EZH2: variants seen among roughly 807,000 people sequenced by gnomAD.
EZH2 encodes histone-lysine N-methyltransferase EZH2.
EZH2 carries 18 observed loss-of-function variants against 98.4 expected under a neutral mutation model. The observed-to-expected ratio is 0.18, with a 90% CI of 0.13 to 0.27. EZH2 has a LOEUF of 0.27. Among genes scored for constraint, EZH2 ranks in the 10% least tolerant of loss-of-function variants. The probability of loss-of-function intolerance (pLI) is 1.00; values close to 1 mark genes in which losing one functional copy is unlikely to be tolerated. For missense variants in EZH2, 470 were observed against 935.1 expected (o/e 0.50, Z 6.49); for synonymous variants, 338 against 312.3 (o/e 1.08, Z -0.87).
chr7:148,820,706 G>A (rs1222140290), intron 8 of EZH2, among the ~76,000 whole-genome samples: 1 of 152,068 alleles, frequency 6.6e-6, no homozygotes, highest in Admixed American at 6.5e-5. Context: ...TAATACAACT[G>A]TTTTTCTGTT....
chr7:148,823,972 G>A (rs900352849), intron 8 of EZH2, among the ~76,000 whole-genome samples: 2 of 152,044 alleles, frequency 1.3e-5, no homozygotes, highest in African/African-American at 2.4e-5. Flanking sequence ...AAGTACTACC[G>A]TATCCCCAAG....
chr7:148,851,452 C>T (rs938849414), intron 1 of EZH2, among the ~76,000 whole-genome samples: 7 of 152,130 alleles, frequency 4.6e-5, no homozygotes, highest in African/African-American at 1.7e-4. Flanking sequence ...TATAGTGAGC[C>T]TTTAGATGTT....
At chr7:148,813,529 T>C (rs776421630) in intron 15 of EZH2, among the ~76,000 whole-genome samples, 2 of 151,852 alleles carry the variant, frequency 1.3e-5, no homozygotes, top group Non-Finnish European at 2.9e-5. Flanking sequence ...CATGGGAAAT[T>C]TCATCTTTTA....
At chr7:148,867,312 G>A (rs969417793) in intron 1 of EZH2, among the ~76,000 whole-genome samples, 6 of 151,920 alleles carry the variant, frequency 3.9e-5, no homozygotes, top group African/African-American at 1.5e-4. Context: ...GGCAAAAAGA[G>A]CAAAACTCCC....
intron 1 of EZH2, among the ~76,000 whole-genome samples, chr7:148,859,792 T>C (rs1258243098): frequency 1.3e-5 from 2 of 152,200 alleles, no homozygotes; most frequent in Non-Finnish European, 2.9e-5. Flanking sequence ...AAATATCCAC[T>C]TAATGCAGGC....
rs1330757055 is a variant in EZH2, at chr7:148,818,002, G to A, written c.1115C>T (p.Thr372Ile). The change falls in exon 10 of 20, where the codon ACC becomes ATC. Residue 372 changes from threonine (T) to isoleucine (I), a missense_variant. Coordinates refer to ENST00000320356, the MANE Select transcript of EZH2 (RefSeq NM_004456.5). ...RLPNNSSRPS[T>I]PTINVLESKD... ...TGATTCCAGCACATTAATGGTGGGGGTGCTGGGCCTGCTACTGTTATTGGG... is the reference window on the plus strand; with the variant it reads ...TGATTCCAGCACATTAATGGTGGGGATGCTGGGCCTGCTACTGTTATTGGG... 1 of 1,614,024 alleles carries A rather than the reference G, an allele frequency of 6.2e-7. No individual in the cohort carries two copies. Among genetic ancestry groups the A allele is most frequent in the Non-Finnish European group, 8.5e-7 (1 of 1,180,012 alleles).
chr7:148,856,588 T>C (rs1248105286), intron 1 of EZH2, among the ~76,000 whole-genome samples: 1 of 152,022 alleles, frequency 6.6e-6, no homozygotes, highest in Non-Finnish European at 1.5e-5. Flanking sequence ...GGAAGCAGGG[T>C]CTGCAGAAAC....
intron 19 of EZH2, among the ~76,000 whole-genome samples, 185 bp from the exon 20 acceptor site, chr7:148,807,891 T>C (rs1801939643): frequency 6.7e-6 from 1 of 149,910 alleles, no homozygotes; most frequent in South Asian, 2.1e-4. Flanking sequence ...AGGCAATGCA[T>C]AGGTCTGTGT....
chr7:148,849,195 A>G (rs1815030958), intron 1 of EZH2, among the ~76,000 whole-genome samples: 1 of 152,178 alleles, frequency 6.6e-6, no homozygotes, highest in South Asian at 2.1e-4. Flanking sequence ...TGGAAGGCTG[A>G]CTGTTTATAC....
At chr7:148,841,624 A>G (rs1463101755) in intron 3 of EZH2, among the ~76,000 whole-genome samples, 1 of 152,228 alleles carries the variant, frequency 6.6e-6, no homozygotes, top group Non-Finnish European at 1.5e-5. Context: ...TGCAATGTAT[A>G]AAGAAACCAT....
chr7:148,838,119 A>T (rs1811387438), intron 3 of EZH2, among the ~76,000 whole-genome samples: 2 of 133,230 alleles, frequency 1.5e-5, no homozygotes, highest in Non-Finnish European at 3.1e-5. Flanking sequence ...CCAAGGTTAG[A>T]GTGCAGTGGT....
At chr7:148,870,947 G>C (rs1227331693) in intron 1 of EZH2, among the ~76,000 whole-genome samples, 2 of 150,724 alleles carry the variant, frequency 1.3e-5, no homozygotes, top group Admixed American at 1.3e-4. Flanking sequence ...AAAAAAAAAA[G>C]GTTCACCTTA....
intron 3 of EZH2, among the ~76,000 whole-genome samples, chr7:148,843,208 C>CAA (rs35317881): frequency 2.0e-4 from 15 of 75,954 alleles, no homozygotes; most frequent in East Asian, 4.0e-4. Flanking sequence ...AACTCCGTCT[C>CAA]AAAAAAAAAA....
At chr7:148,844,244 A>G (rs1253161526) in intron 3 of EZH2, among the ~76,000 whole-genome samples, 1 of 152,254 alleles carries the variant, frequency 6.6e-6, no homozygotes, top group Non-Finnish European at 1.5e-5. Flanking sequence ...AAACGAAAGA[A>G]AAAATAAACA....
At chr7:148,815,063 G>A (rs1804176607) in intron 13 of EZH2, 24 bp from the exon 14 acceptor site, 2 of 1,609,848 alleles carry the variant, frequency 1.2e-6, no homozygotes, top group Non-Finnish European at 8.5e-7. Flanking sequence ...ACATCATGCA[G>A]GCCAATGAAT....
intron 3 of EZH2, among the ~76,000 whole-genome samples, chr7:148,844,789 C>T (rs756517788): frequency 6.6e-6 from 1 of 152,084 alleles, no homozygotes; most frequent in Non-Finnish European, 1.5e-5. Flanking sequence ...AAACAATACT[C>T]TTAAATTTAA....
intron 1 of EZH2, among the ~76,000 whole-genome samples, chr7:148,863,209 C>A (rs1817959285): frequency 6.6e-6 from 1 of 152,038 alleles, no homozygotes; most frequent in Admixed American, 6.6e-5. Flanking sequence ...TCATAATACC[C>A]TGCCTTTTCT....
At chr7:148,846,741 T>C (rs1391147302) in intron 2 of EZH2, 143 bp from the exon 3 acceptor site, 2 of 706,236 alleles carry the variant, frequency 2.8e-6, no homozygotes, top group East Asian at 2.7e-5. Context: ...TTTTACACTA[T>C]AGTTTCCCAC....
intron 1 of EZH2, among the ~76,000 whole-genome samples, chr7:148,878,906 A>AT (rs1456669526): frequency 6.7e-6 from 1 of 148,410 alleles, no homozygotes; most frequent in African/African-American, 2.5e-5. Context: ...CCAAAAAAAA[A>AT]TTTTTAATTT....
Sources: allele counts gnomAD v4.1 joint callset (sites outside exome capture counted in the v4.1 genomes callset), GRCh38; gene constraint gnomAD v4.1.1; transcripts MANE v1.5; gene names NCBI Gene and HGNC (gene_info 2026-07-23, HGNC 2026-07-21).